EXOC4: variants seen among roughly 807,000 people sequenced by gnomAD.
The protein encoded by EXOC4 is SEC8-like 1.
In EXOC4, 71 loss-of-function variants were observed where a neutral mutation model predicts 107.2. That is an observed-to-expected ratio of 0.66 (90% confidence interval 0.55 to 0.81). EXOC4 has a LOEUF of 0.81. Ranked by LOEUF, EXOC4 falls within the 30% of genes least tolerant of loss-of-function variation. The pLI is 0.00. For synonymous variants in EXOC4, 456 were observed against 441.2 expected, an observed-to-expected ratio of 1.03 and a Z score of -0.42; for missense variants, 1,108 against 1,189.6, an observed-to-expected ratio of 0.93 and a Z score of 1.01.
At chr7:133,331,461 C>CTTTTTTTTT (rs58568173) in intron 5 of EXOC4, among the ~76,000 whole-genome samples, 2 of 85,592 alleles carry the variant, frequency 2.3e-5, no homozygotes, top group African/African-American at 4.5e-5. Context: ...TTTCTTTTTT[C>CTTTTTTTTT]TTTTTTTTTT....
In EXOC4 at chr7:133,630,129, A is replaced by T; in HGVS notation, c.1502A>T (p.His501Leu). 6.2e-7 allele frequency: 1 copy of T among 1,612,696 alleles called. No homozygotes were observed. Among genetic ancestry groups the T allele is most frequent in the Non-Finnish European group, 8.5e-7 (1 of 1,178,810 alleles). Residue 501 changes from histidine (H) to leucine (L), a missense_variant, in exon 10 of 18, where the codon CAC (histidine) becomes CTC (leucine). By Grantham distance (99) the His-to-Leu change is moderately conservative. Coordinates refer to ENST00000253861, the MANE Select transcript of EXOC4 (RefSeq NM_021807.4). ...PGARNITVIFHPLLRFIQEIE... is the reference protein window; with the variant it reads ...PGARNITVIFLPLLRFIQEIE... ...GCCAGAAACATTACCGTCATATTCC[A>T]CCCATTACTAAGGTAAGTCAAGTGC...
chr7:133,501,900 G>A (rs1308587285), intron 9 of EXOC4, among the ~76,000 whole-genome samples: 2 of 152,066 alleles, frequency 1.3e-5, no homozygotes, highest in Non-Finnish European at 2.9e-5. Context: ...TGTTTTTTCT[G>A]GTTTAGCGGA....
intron 9 of EXOC4, among the ~76,000 whole-genome samples, chr7:133,548,287 A>C (rs796954640): frequency 6.6e-6 from 1 of 152,070 alleles, no homozygotes; most frequent in Non-Finnish European, 1.5e-5. Flanking sequence ...CTCCACTTCT[A>C]TTTATAGAGA....
chr7:133,404,159 G>A (rs1490391168), intron 7 of EXOC4, among the ~76,000 whole-genome samples: 1 of 152,124 alleles, frequency 6.6e-6, no homozygotes, highest in South Asian at 2.1e-4. Flanking sequence ...GAGTGCAGAG[G>A]CACAATCTTG....
chr7:134,050,877 G>T (rs1156740997), intron 17 of EXOC4, among the ~76,000 whole-genome samples: 1 of 152,096 alleles, frequency 6.6e-6, no homozygotes, highest in African/African-American at 2.4e-5. Context: ...ACTAAGAACT[G>T]GGGGTTAGTC....
At chr7:133,985,219 T>G (rs1043963902) in intron 14 of EXOC4, among the ~76,000 whole-genome samples, 1 of 152,206 alleles carries the variant, frequency 6.6e-6, no homozygotes, top group Non-Finnish European at 1.5e-5. Context: ...CACATGATCA[T>G]GTAAATAACA....
chr7:133,592,527 C>G (rs759586017), intron 9 of EXOC4, among the ~76,000 whole-genome samples: 1 of 152,190 alleles, frequency 6.6e-6, no homozygotes, highest in Non-Finnish European at 1.5e-5. Context: ...ACTGCCACCT[C>G]TGCCTCCTGG....
intron 11 of EXOC4, among the ~76,000 whole-genome samples, chr7:133,832,233 G>A (rs1797826149): frequency 6.6e-6 from 1 of 152,114 alleles, no homozygotes; most frequent in South Asian, 2.1e-4. Flanking sequence ...CAAAGACATT[G>A]TTTTACACAT....
At chr7:133,988,208 G>A (rs920301085) in intron 14 of EXOC4, among the ~76,000 whole-genome samples, 5 of 152,166 alleles carry the variant, frequency 3.3e-5, no homozygotes, top group African/African-American at 1.2e-4. Flanking sequence ...AGAACTTGGG[G>A]TATAGGGATT....
intron 9 of EXOC4, among the ~76,000 whole-genome samples, chr7:133,564,663 C>T (rs1026724598): frequency 6.6e-6 from 1 of 152,100 alleles, no homozygotes; most frequent in African/African-American, 2.4e-5. Context: ...AGGTAAGGCC[C>T]AGTCAAATGC....
chr7:133,337,026 C>T (rs752221801), intron 5 of EXOC4, among the ~76,000 whole-genome samples: 15 of 152,124 alleles, frequency 9.9e-5, no homozygotes, highest in Non-Finnish European at 1.6e-4. Flanking sequence ...AGCCACCACT[C>T]CTGGCCATGT....
At chr7:133,679,609 C>T (rs1435821228) in intron 10 of EXOC4, among the ~76,000 whole-genome samples, 1 of 151,684 alleles carries the variant, frequency 6.6e-6, no homozygotes, top group Admixed American at 6.6e-5. Flanking sequence ...TATCATGCCT[C>T]ATAGCTGGCC....
chr7:133,862,214 G>A (rs898132150), intron 11 of EXOC4, among the ~76,000 whole-genome samples: 8 of 150,624 alleles, frequency 5.3e-5, no homozygotes, highest in Middle Eastern at 3.4e-3. Flanking sequence ...ATTCTAGGTC[G>A]GGCGTGGTGG....
chr7:133,374,900 G>C lies in EXOC4; in HGVS notation c.1080G>C (p.Leu360=), dbSNP rs1336268440. The change falls in exon 7 of 18, where the codon CTG becomes CTC. Residue 360 remains leucine, a synonymous_variant. Transcript: ENST00000253861. ...TAGCCGCTGCACACTCTGTGGTCCT[G>C]GGATACCTGCAGGACACTGTAGTGA... ...NAVAAAHSVV[L]GYLQDTVVTP... The C allele has an allele frequency of 6.2e-7, 1 of 1,613,988 alleles. No homozygotes were observed. The highest frequency in any genetic ancestry group is 8.5e-7 in the Non-Finnish European group (1 of 1,179,916).
intron 9 of EXOC4, among the ~76,000 whole-genome samples, chr7:133,499,427 A>G (rs949278048): frequency 1.4e-4 from 22 of 152,306 alleles, no homozygotes; most frequent in African/African-American, 4.8e-4. Flanking sequence ...CCATAAGCGG[A>G]TAATATTTGG....
At position 133,379,839 on chromosome 7, in the gene EXOC4, G is replaced by A. The variant is rs531453466; in HGVS notation, c.1182+4837G>A. ...AGATGTATATAATTCCTGTACGGCT[G>A]AAAACGAAACCCATTATTTCATAAT... On this transcript the variant is annotated intron_variant, in intron 7 of 17. Coordinates refer to ENST00000253861, the MANE Select transcript of EXOC4 (RefSeq NM_021807.4). 2.0e-5 allele frequency among the ~76,000 whole-genome samples: 3 copies of A among 152,152 alleles called. No individual in the cohort carries two copies. The East Asian group carries it at 5.8e-4, about 29-fold the overall frequency.
intron 7 of EXOC4, among the ~76,000 whole-genome samples, chr7:133,434,138 CA>C (rs1463396344): frequency 6.6e-6 from 1 of 152,072 alleles, no homozygotes; most frequent in African/African-American, 2.4e-5. Flanking sequence ...CATTAGATGC[CA>C]ATCCTACTGT....
intron 12 of EXOC4, among the ~76,000 whole-genome samples, chr7:133,914,549 C>G (rs1276514239): frequency 6.6e-6 from 1 of 152,106 alleles, no homozygotes; most frequent in Non-Finnish European, 1.5e-5. Flanking sequence ...AAATCAGAAT[C>G]CCACACCTCA....
intron 14 of EXOC4, among the ~76,000 whole-genome samples, chr7:133,977,645 T>G (rs894682866): frequency 6.6e-6 from 1 of 152,146 alleles, no homozygotes; most frequent in Non-Finnish European, 1.5e-5. Flanking sequence ...AGCAGCTGGT[T>G]TTTTCTTTGC....
Sources: allele counts gnomAD v4.1 joint callset (sites outside exome capture counted in the v4.1 genomes callset), GRCh38; gene constraint gnomAD v4.1.1; transcripts MANE v1.5; gene names NCBI Gene and HGNC (gene_info 2026-07-23, HGNC 2026-07-21).